Variants in C12orf42 observed in about 807,000 individuals in gnomAD.
C12orf42 encodes the protein chromosome 12 open reading frame 42.
In C12orf42, 25 loss-of-function variants were observed where a neutral mutation model predicts 21.6. The ratio of observed to expected loss-of-function variants is 1.16; its 90% CI spans 0.84 to 1.62. The LOEUF (loss-of-function observed/expected upper bound fraction) is 1.62. Among genes scored for constraint, C12orf42 ranks in the 40% most tolerant of loss-of-function variants. C12orf42 has a pLI of 0.00. For missense variants in C12orf42, 483 were observed against 459.3 expected, an observed-to-expected ratio of 1.05 and a Z score of -0.47; for synonymous variants, 174 against 175.0, an observed-to-expected ratio of 0.99 and a Z score of 0.05.
intron 2 of C12orf42, among the ~76,000 whole-genome samples, chr12:103,477,578 A>G (rs1259475948): frequency 2.0e-5 from 3 of 152,148 alleles, no homozygotes; most frequent in African/African-American, 7.2e-5. Flanking sequence ...ATAATCCAAT[A>G]TAATGGTTGA....
chr12:103,301,447 G>C (rs1400700819), downstream of C12orf42, among the ~76,000 whole-genome samples: 2 of 152,128 alleles, frequency 1.3e-5, no homozygotes, highest in East Asian at 3.8e-4. Flanking sequence ...CAAAATAAAA[G>C]GTATTGCCTA....
intron 10 of C12orf42, among the ~76,000 whole-genome samples, chr12:103,248,716 C>A (rs954365218): frequency 2.0e-5 from 3 of 151,978 alleles, no homozygotes; most frequent in African/African-American, 7.2e-5. Context: ...GGATCCTAGT[C>A]CAACACCCTC....
the C12orf42 span, among the ~76,000 whole-genome samples, chr12:103,135,722 A>G: frequency 1.3e-5 from 2 of 152,212 alleles, no homozygotes; most frequent in Non-Finnish European, 2.9e-5. Flanking sequence ...ACCAAGGGGG[A>G]TTTATCTTAA....
the C12orf42 span, among the ~76,000 whole-genome samples, chr12:103,111,048 T>G: frequency 6.6e-6 from 1 of 152,208 alleles, no homozygotes; most frequent in African/African-American, 2.4e-5. Context: ...GCCAGGAAAC[T>G]CAGAGTTCAC....
In C12orf42 at chr12:103,415,252, C is replaced by T. The variant is rs148897493; in HGVS notation, c.79-13577G>A. Among the ~76,000 whole-genome samples the T allele has an allele frequency of 1.2e-3, 186 of 152,258 alleles. 4 individuals carry two copies. In the East Asian group the frequency reaches 0.029, roughly 24 times the overall value. On this transcript the variant is annotated intron_variant, in intron 2 of 5. Coordinates refer to ENST00000548883, the MANE Select transcript of C12orf42 (RefSeq NM_198521.5). ...ATATCCTAAATATATACACACCCAACAGTGGTGCACCCAGATTCATTAAAC... is the reference window on the plus strand; with the variant it reads ...ATATCCTAAATATATACACACCCAATAGTGGTGCACCCAGATTCATTAAAC...
At chr12:103,131,780 T>G in the C12orf42 span, among the ~76,000 whole-genome samples, 1 of 152,074 alleles carries the variant, frequency 6.6e-6, no homozygotes, top group Non-Finnish European at 1.5e-5. Context: ...TGTTGTTGGA[T>G]GATGTTGTTG....
At chr12:103,207,004 T>C in the C12orf42 span, among the ~76,000 whole-genome samples, 3 of 152,180 alleles carry the variant, frequency 2.0e-5, no homozygotes, top group Non-Finnish European at 1.5e-5. Flanking sequence ...CTTGTGGAAT[T>C]CTTATCTCTC....
At chr12:103,426,762 G>A (rs544260758) in intron 2 of C12orf42, among the ~76,000 whole-genome samples, 11 of 152,128 alleles carry the variant, frequency 7.2e-5, no homozygotes, top group East Asian at 1.9e-4. Context: ...CGGATCTCTC[G>A]GCAGAAACCC....
chr12:103,276,155 A>G (rs1333329943), intron 5 of C12orf42, among the ~76,000 whole-genome samples: 6 of 152,220 alleles, frequency 3.9e-5, no homozygotes, highest in African/African-American at 1.4e-4. Flanking sequence ...ATATAGGGGG[A>G]AAAACTTTTA....
chr12:103,080,003 C>T, the C12orf42 span, among the ~76,000 whole-genome samples: 1,979 of 152,124 alleles, frequency 0.013, 51 homozygotes, highest in African/African-American at 0.045. Flanking sequence ...GGCTCTGGGA[C>T]GGCGGTAGAG....
At chr12:103,413,852 TG>T (rs1364258252) in intron 2 of C12orf42, among the ~76,000 whole-genome samples, 2 of 152,214 alleles carry the variant, frequency 1.3e-5, no homozygotes, top group African/African-American at 2.4e-5. Flanking sequence ...ATGGTGTGTG[TG>T]TGTATGTGTA....
chr12:103,243,645 C>G (rs1183247568), intron 10 of C12orf42, among the ~76,000 whole-genome samples: 1 of 152,042 alleles, frequency 6.6e-6, no homozygotes, highest in African/African-American at 2.4e-5. Context: ...AAATGCTTCT[C>G]TTTGTTAGCA....
the C12orf42 span, among the ~76,000 whole-genome samples, chr12:103,528,199 T>A: frequency 2.0e-5 from 3 of 152,196 alleles, no homozygotes; most frequent in Non-Finnish European, 4.4e-5. Context: ...GACATAGATA[T>A]AGATTCTGCT....
At chr12:103,379,969 G>C (rs12301895) in intron 3 of C12orf42, among the ~76,000 whole-genome samples, 5,440 of 152,236 alleles carry the variant, frequency 0.036, 217 homozygotes, top group East Asian at 0.15. Context: ...GCTTAGCATT[G>C]GTTTGGGCTT....
At chr12:103,471,244 A>G (rs951784111) in intron 2 of C12orf42, among the ~76,000 whole-genome samples, 31 of 152,216 alleles carry the variant, frequency 2.0e-4, no homozygotes, top group Non-Finnish European at 2.2e-4. Flanking sequence ...TCATGGTTGC[A>G]TTGAAAAAGA....
the C12orf42 span, among the ~76,000 whole-genome samples, chr12:103,218,296 G>GTCTT: frequency 6.8e-6 from 1 of 146,240 alleles, no homozygotes; most frequent in African/African-American, 2.6e-5. Context: ...AAAAAAAAAA[G>GTCTT]TCTTTCTTTC....
chr12:103,244,297 AG>A (rs1430414433), intron 10 of C12orf42, among the ~76,000 whole-genome samples: 1 of 152,086 alleles, frequency 6.6e-6, no homozygotes, highest in Non-Finnish European at 1.5e-5. Context: ...TAAAAAGACA[AG>A]GGTTAACTGC....
intron 5 of C12orf42, chr12:103,273,649 A>C (rs2035592437): frequency 3.4e-6 from 1 of 294,000 alleles, no homozygotes; most frequent in Admixed American, 4.0e-5. Context: ...GTTTTGTCTA[A>C]AGACCCAAGA....
rs141351786 is a variant in C12orf42 at position 103,280,639 on chromosome 12, T to A, written n.338-3429A>T. ...ATCTCCACACAAAAAAAATCTTGAATGGTAGGGGAGACAGAAACAAGTAAA... is the reference window on the plus strand; with the variant it reads ...ATCTCCACACAAAAAAAATCTTGAAAGGTAGGGGAGACAGAAACAAGTAAA... On this transcript the variant is annotated intron_variant and non_coding_transcript_variant, in intron 4 of 6. Transcript: ENST00000546526. Among the ~76,000 whole-genome samples the A allele has an allele frequency of 2.6e-4, 39 of 152,130 alleles. No individual in the cohort carries two copies. The East Asian group carries it at 5.0e-3, about 20-fold the overall frequency.
Sources: gnomAD v4.1 joint callset for allele counts (sites outside exome capture counted in the v4.1 genomes callset) on GRCh38, gnomAD v4.1.1 for gene constraint, MANE v1.5 for transcripts, NCBI Gene and HGNC (gene_info 2026-07-23, HGNC 2026-07-21) for gene names.